MAP2: variants seen among roughly 807,000 people sequenced by gnomAD.
MAP2 encodes microtubule associated protein 2, also known as microtubule-associated protein 2.
A neutral mutation model predicts 137.6 loss-of-function variants in MAP2; 14 were observed. That is an observed-to-expected ratio of 0.10 (90% CI 0.07 to 0.16). The LOEUF (loss-of-function observed/expected upper bound fraction) is 0.16. Among genes scored for constraint, MAP2 ranks in the 10% least tolerant of loss-of-function variants. The pLI, the probability that MAP2 is intolerant of heterozygous loss-of-function variation, is 1.00. For missense variants in MAP2, 2,088 were observed against 2,191.5 expected (o/e 0.95, Z 0.94); for synonymous variants, 786 against 782.3 (o/e 1.00, Z -0.08).
chr2:209,673,180 A>T (rs1333020221), intron 5 of MAP2, among the ~76,000 whole-genome samples: 1 of 151,714 alleles, frequency 6.6e-6, no homozygotes, highest in Non-Finnish European at 1.5e-5. Flanking sequence ...GCCTTTAACC[A>T]ATAACATTTT....
chr2:209,608,345 G>A (rs2085537905), intron 3 of MAP2, among the ~76,000 whole-genome samples: 1 of 151,780 alleles, frequency 6.6e-6, no homozygotes, highest in African/African-American at 2.4e-5. Flanking sequence ...CTAGTGTGCA[G>A]TGACACAATC....
At chr2:209,638,808 G>A (rs1482579780) in intron 4 of MAP2, among the ~76,000 whole-genome samples, 1 of 151,952 alleles carries the variant, frequency 6.6e-6, no homozygotes, top group African/African-American at 2.4e-5. Context: ...AGCAGTTTAT[G>A]GTCAGAGTCT....
In MAP2 at chr2:209,568,115, T is replaced by C. The variant is rs564841913; in HGVS notation, c.-171-11921T>C. On this transcript the variant is annotated intron_variant, in intron 2 of 15. Transcript: ENST00000682079. ...ATAAATAAATACCTGCATAGATAAT[T>C]AATTCTCTCTTCTCATCTCTATTGT... 5.9e-5 allele frequency among the ~76,000 whole-genome samples: 9 copies of C among 152,132 alleles called. No individual in the cohort carries two copies. In the East Asian group the frequency reaches 1.7e-3, roughly 29 times the overall value.
chr2:209,636,969 AGCTTGT>A (rs1435174464), intron 4 of MAP2, among the ~76,000 whole-genome samples: 3 of 152,146 alleles, frequency 2.0e-5, no homozygotes, highest in Non-Finnish European at 4.4e-5. Flanking sequence ...AAGACTTCCC[AGCTTGT>A]ATAGGATCCT....
chr2:209,469,456 A>C (rs998664297), intron 1 of MAP2, among the ~76,000 whole-genome samples: 1 of 152,176 alleles, frequency 6.6e-6, no homozygotes, highest in Non-Finnish European at 1.5e-5. Context: ...AAAACACAAA[A>C]ATTTTATTTT....
At chr2:209,539,480 C>G (rs530816760) in intron 2 of MAP2, among the ~76,000 whole-genome samples, 1 of 152,274 alleles carries the variant, frequency 6.6e-6, no homozygotes, top group East Asian at 1.9e-4. Flanking sequence ...TGCTGAGTAT[C>G]TATCTAAAGT....
At chr2:209,448,084 C>T (rs932242848) in intron 1 of MAP2, among the ~76,000 whole-genome samples, 2 of 152,058 alleles carry the variant, frequency 1.3e-5, no homozygotes, top group South Asian at 4.1e-4. Context: ...CAGTATCATC[C>T]TTCACCATGT....
At chr2:209,651,970 T>C (rs981711923) in intron 4 of MAP2, among the ~76,000 whole-genome samples, 2 of 152,226 alleles carry the variant, frequency 1.3e-5, no homozygotes, top group African/African-American at 4.8e-5. Flanking sequence ...TTGCTTACTT[T>C]TTTGGAGGCC....
chr2:209,451,256 A>G (rs1301565488), intron 1 of MAP2, among the ~76,000 whole-genome samples: 3 of 152,080 alleles, frequency 2.0e-5, no homozygotes, highest in African/African-American at 7.2e-5. Flanking sequence ...ACCTTTCTCT[A>G]CCCTGGTGAG....
intron 3 of MAP2, among the ~76,000 whole-genome samples, chr2:209,604,731 T>G (rs2084088756): frequency 6.6e-6 from 1 of 152,176 alleles, no homozygotes; most frequent in Admixed American, 6.6e-5. Flanking sequence ...AGTTCTTTTA[T>G]TGCTTAAGCA....
rs149254671 is a variant in MAP2 at position 209,706,193 on chromosome 2, A to T, written c.4732+466A>T. Among the ~76,000 whole-genome samples, 233 of 152,270 alleles carry T rather than the reference A, an allele frequency of 1.5e-3. 1 individual carries two copies. The highest frequency in any genetic ancestry group is 5.5e-3 in the African/African-American group (227 of 41,568). On this transcript the variant is annotated intron_variant, in intron 12 of 15. Transcript: ENST00000682079. The stretch of plus-strand genomic sequence containing the variant: ...AATTTGCATTCCAAATGAGCTATAA[A>T]TATAGCATAGTCTATGCAATAGGTT...
chr2:209,561,073 G>A (rs534599032), intron 2 of MAP2, among the ~76,000 whole-genome samples: 11 of 152,150 alleles, frequency 7.2e-5, no homozygotes, highest in African/African-American at 2.4e-4. Flanking sequence ...GGTGGCAAAA[G>A]CAGGCATGAG....
intron 2 of MAP2, among the ~76,000 whole-genome samples, chr2:209,574,129 A>G (rs2074905554): frequency 6.6e-6 from 1 of 152,132 alleles, no homozygotes; most frequent in Admixed American, 6.5e-5. Context: ...CTCATGGTAC[A>G]TTCGATCTCT....
At chr2:209,658,416 G>A (rs2041893245) in intron 5 of MAP2, among the ~76,000 whole-genome samples, 1 of 151,980 alleles carries the variant, frequency 6.6e-6, no homozygotes, top group African/African-American at 2.4e-5. Flanking sequence ...AAACAAAGTG[G>A]TGGTTCTATG....
intron 12 of MAP2, among the ~76,000 whole-genome samples, chr2:209,706,652 G>A (rs747354255): frequency 6.6e-6 from 1 of 151,918 alleles, no homozygotes; most frequent in Non-Finnish European, 1.5e-5. Flanking sequence ...TTTATTGGGA[G>A]GAAATAGTAC....
intron 1 of MAP2, among the ~76,000 whole-genome samples, chr2:209,449,912 C>T (rs1052828947): frequency 6.6e-6 from 1 of 151,972 alleles, no homozygotes; most frequent in Admixed American, 6.6e-5. Flanking sequence ...TTTTTTAAGT[C>T]ACTTATCTTT....
intron 1 of MAP2, among the ~76,000 whole-genome samples, chr2:209,462,901 A>G (rs2149609886): frequency 6.6e-6 from 1 of 152,214 alleles, no homozygotes; most frequent in African/African-American, 2.4e-5. Context: ...GGCTTTTGGG[A>G]GCCCAATCTC....
At position 209,587,706 on chromosome 2, in the gene MAP2, C is replaced by T. The variant is rs113128706; in HGVS notation, c.-107+7606C>T. ...AATCAAATAAATATAACATACCCAT[C>T]CTTCAAGGCAGAGTAGCTCAAGTGC... On this transcript the variant is annotated intron_variant, in intron 3 of 15. Coordinates refer to ENST00000682079, the MANE Select transcript of MAP2 (RefSeq NM_001375505.1). Among the ~76,000 whole-genome samples the T allele has an allele frequency of 9.2e-3, 1,398 of 152,232 alleles. 22 individuals are homozygous for T. The highest frequency in any genetic ancestry group is 0.031 in the African/African-American group (1,293 of 41,532).
intron 3 of MAP2, among the ~76,000 whole-genome samples, chr2:209,598,321 C>A (rs1298076131): frequency 6.6e-6 from 1 of 152,056 alleles, no homozygotes; most frequent in East Asian, 1.9e-4. Flanking sequence ...CTGTCCTATT[C>A]TTAACTTGAA....
Sources: gnomAD v4.1 joint callset for allele counts (sites outside exome capture counted in the v4.1 genomes callset) on GRCh38, gnomAD v4.1.1 for gene constraint, MANE v1.5 for transcripts, NCBI Gene and HGNC (gene_info 2026-07-23, HGNC 2026-07-21) for gene names.